The following CACNA2D3 variants were observed in gnomAD, a reference collection of about 807,000 sequenced individuals.
CACNA2D3 encodes voltage-dependent calcium channel subunit alpha-2/delta-3.
Under a neutral mutation model 160.6 loss-of-function variants are expected in CACNA2D3, and 60 were observed. The ratio of observed to expected loss-of-function variants is 0.37; its 90% CI spans 0.30 to 0.46. CACNA2D3 has a LOEUF of 0.46. Among genes scored for constraint, CACNA2D3 ranks in the 20% least tolerant of loss-of-function variants. CACNA2D3 has a pLI of 1.00. For missense variants in CACNA2D3, 1,205 were observed against 1,365.0 expected (o/e 0.88, Z 1.85); for synonymous variants, 558 against 492.9 (o/e 1.13, Z -1.75).
chr3:54,150,282 T>C (rs1226938395), intron 2 of CACNA2D3, among the ~76,000 whole-genome samples: 2 of 152,212 alleles, frequency 1.3e-5, no homozygotes, highest in African/African-American at 2.4e-5. Context: ...CAGTTTCTAC[T>C]TTAAATGTTA....
At chr3:54,733,161 C>T (rs1701422699) in intron 11 of CACNA2D3, among the ~76,000 whole-genome samples, 1 of 152,210 alleles carries the variant, frequency 6.6e-6, no homozygotes, top group Admixed American at 6.5e-5. Flanking sequence ...TTGAACACTA[C>T]TTAACTATCT....
At chr3:54,690,727 C>T (rs1700555785) in intron 11 of CACNA2D3, among the ~76,000 whole-genome samples, 1 of 152,120 alleles carries the variant, frequency 6.6e-6, no homozygotes, top group Non-Finnish European at 1.5e-5. Flanking sequence ...AATGTTATTT[C>T]ACAGATAGAA....
intron 27 of CACNA2D3, among the ~76,000 whole-genome samples, chr3:54,930,400 T>C (rs1701154842): frequency 1.3e-5 from 2 of 152,232 alleles, no homozygotes; most frequent in Admixed American, 1.3e-4. Flanking sequence ...GGCACTCTAC[T>C]TACCAGCTTT....
intron 11 of CACNA2D3, among the ~76,000 whole-genome samples, chr3:54,670,434 T>A (rs572936282): frequency 6.6e-6 from 1 of 152,282 alleles, no homozygotes; most frequent in African/African-American, 2.4e-5. Flanking sequence ...TGGACCATAA[T>A]GAATCTTTCT....
At chr3:54,318,769 A>G (rs73841973) in intron 2 of CACNA2D3, among the ~76,000 whole-genome samples, 2,596 of 146,166 alleles carry the variant, frequency 0.018, 79 homozygotes, top group African/African-American at 0.062. Flanking sequence ...ATCATAGCTC[A>G]CTGCAGCCTC....
chr3:54,249,109 G>A (rs938391237), intron 2 of CACNA2D3, among the ~76,000 whole-genome samples: 2 of 152,100 alleles, frequency 1.3e-5, no homozygotes, highest in African/African-American at 4.8e-5. Flanking sequence ...GAGAGACTTT[G>A]CATCCCTTTC....
chr3:54,742,108 C>T (rs1218939085), intron 11 of CACNA2D3, among the ~76,000 whole-genome samples: 3 of 152,152 alleles, frequency 2.0e-5, no homozygotes, highest in Non-Finnish European at 4.4e-5. Context: ...CTCAAGCAGT[C>T]TGTCTGCCTC....
chr3:54,275,085 G>A (rs1702705872), intron 2 of CACNA2D3, among the ~76,000 whole-genome samples: 1 of 152,240 alleles, frequency 6.6e-6, no homozygotes, highest in African/African-American at 2.4e-5. Context: ...AGCCTGTGCT[G>A]GACTGCATGC....
intron 11 of CACNA2D3, among the ~76,000 whole-genome samples, chr3:54,680,240 T>C (rs796094381): frequency 1.3e-5 from 2 of 152,292 alleles, no homozygotes; most frequent in Admixed American, 6.5e-5. Flanking sequence ...TCCAAAGATA[T>C]ACATTCACCT....
rs188476407 is a variant in CACNA2D3 at position 54,875,940 on chromosome 3, A to G, written c.1711-3078A>G. ...CACACTTGCGAATGCTTGATATCTG[A>G]TATGGAAAAATCAAGGTATGCCACT... On this transcript the variant is annotated intron_variant, in intron 18 of 37. Coordinates refer to ENST00000474759, the MANE Select transcript of CACNA2D3 (RefSeq NM_018398.3). 1.1e-3 allele frequency among the ~76,000 whole-genome samples: 173 copies of G among 152,274 alleles called. 1 individual carries two copies. Among genetic ancestry groups the G allele is most frequent in the Non-Finnish European group, 5.4e-4 (37 of 68,024 alleles).
At chr3:54,924,379 A>G (rs893779168) in intron 27 of CACNA2D3, among the ~76,000 whole-genome samples, 2 of 152,204 alleles carry the variant, frequency 1.3e-5, no homozygotes, top group African/African-American at 4.8e-5. Context: ...TGTTATATTA[A>G]TTAAACAAGT....
At chr3:54,481,462 G>A (rs906137678) in intron 4 of CACNA2D3, among the ~76,000 whole-genome samples, 3 of 152,176 alleles carry the variant, frequency 2.0e-5, no homozygotes, top group African/African-American at 7.2e-5. Context: ...TGGCTTCTCA[G>A]TGACCTGGCT....
At chr3:54,680,856 C>A (rs1302258843) in intron 11 of CACNA2D3, among the ~76,000 whole-genome samples, 1 of 152,146 alleles carries the variant, frequency 6.6e-6, no homozygotes, top group Non-Finnish European at 1.5e-5. Flanking sequence ...AAGAGCCCTT[C>A]CTCTGATCCC....
intron 3 of CACNA2D3, among the ~76,000 whole-genome samples, chr3:54,340,527 C>G (rs1006049736): frequency 6.6e-6 from 1 of 152,232 alleles, no homozygotes; most frequent in African/African-American, 2.4e-5. Flanking sequence ...AACGTACCTT[C>G]TTCCAGTATT....
intron 2 of CACNA2D3, among the ~76,000 whole-genome samples, chr3:54,155,614 G>A (rs748455187): frequency 2.6e-5 from 4 of 152,148 alleles, no homozygotes; most frequent in African/African-American, 9.7e-5. Flanking sequence ...TTTTGTTTGC[G>A]TTTTTCTCTT....
rs553047260 is a variant in CACNA2D3, at chr3:54,845,173, G to A, written c.1552-1220G>A. On this transcript the variant is annotated intron_variant, in intron 16 of 37. Coordinates refer to ENST00000474759, the MANE Select transcript of CACNA2D3 (RefSeq NM_018398.3). ...TGTGCAAGGTAACTCCAGGGAAGAC[G>A]TCTGTTGCCCTTGACTACCATGTGC... Among the ~76,000 whole-genome samples, 5 of 152,244 alleles carry A rather than the reference G, an allele frequency of 3.3e-5. No individual in the cohort carries two copies. In the East Asian group the frequency reaches 7.7e-4, roughly 24 times the overall value.
intron 4 of CACNA2D3, among the ~76,000 whole-genome samples, chr3:54,498,190 C>G (rs1701233824): frequency 6.6e-6 from 1 of 151,726 alleles, no homozygotes; most frequent in Non-Finnish European, 1.5e-5. Flanking sequence ...TAGAATCCAT[C>G]AGTTAAGGCA....
intron 4 of CACNA2D3, among the ~76,000 whole-genome samples, chr3:54,475,120 G>T (rs1316355908): frequency 1.3e-5 from 2 of 152,172 alleles, no homozygotes; most frequent in African/African-American, 4.8e-5. Context: ...AGCAACTTAG[G>T]CGACAGAAAT....
chr3:54,588,658 A>G (rs558653720), intron 9 of CACNA2D3, among the ~76,000 whole-genome samples: 125 of 152,232 alleles, frequency 8.2e-4, no homozygotes, highest in African/African-American at 2.8e-3. Context: ...CCTTAATAAA[A>G]ACAATGAACC....
Sources: gnomAD v4.1 joint callset for allele counts (sites outside exome capture counted in the v4.1 genomes callset) on GRCh38, gnomAD v4.1.1 for gene constraint, MANE v1.5 for transcripts, NCBI Gene and HGNC (gene_info 2026-07-23, HGNC 2026-07-21) for gene names.